CCDC34: variants seen among roughly 807,000 people sequenced by gnomAD.
The protein encoded by CCDC34 is coiled-coil domain containing 34, also known as coiled-coil domain-containing protein 34.
In CCDC34, 40 loss-of-function variants were observed where a neutral mutation model predicts 44.1. That is an observed-to-expected ratio of 0.91 (90% CI 0.70 to 1.18). CCDC34 has a LOEUF of 1.18. Ranked by LOEUF, CCDC34 falls within the 50% of genes most tolerant of loss-of-function variation. CCDC34 has a pLI of 0.00. For missense variants in CCDC34, 466 were observed against 452.3 expected (o/e 1.03, Z -0.28); for synonymous variants, 159 against 158.2 (o/e 1.01, Z -0.04).
At chr11:27,359,935 A>G (rs1451582658) in intron 1 of CCDC34, among the ~76,000 whole-genome samples, 1 of 152,182 alleles carries the variant, frequency 6.6e-6, no homozygotes, top group Non-Finnish European at 1.5e-5. Context: ...TTCCTTAAAG[A>G]AAATATATCT....
intron 3 of CCDC34, among the ~76,000 whole-genome samples, chr11:27,346,124 A>G (rs1350308587): frequency 1.3e-5 from 2 of 152,174 alleles, no homozygotes; most frequent in African/African-American, 4.8e-5. Flanking sequence ...TTTAAAAAAT[A>G]CCATTAATCA....
At chr11:27,357,158 T>G (rs1862590229) in intron 2 of CCDC34, among the ~76,000 whole-genome samples, 1 of 152,172 alleles carries the variant, frequency 6.6e-6, no homozygotes. Context: ...AATGATTATC[T>G]TCAGACAGTG....
chr11:27,348,332 TTG>T (rs1454875020), intron 3 of CCDC34, among the ~76,000 whole-genome samples: 2 of 152,224 alleles, frequency 1.3e-5, no homozygotes, highest in African/African-American at 2.4e-5. Flanking sequence ...AGAAAATCAG[TTG>T]TGTTTTGAGA....
chr11:27,347,742 T>G (rs1862452859), intron 3 of CCDC34, among the ~76,000 whole-genome samples: 5 of 150,120 alleles, frequency 3.3e-5, no homozygotes, highest in Non-Finnish European at 3.0e-5. Flanking sequence ...GGGCAGGGAG[T>G]GGGGGTGAAT....
chr11:27,350,464 G>A (rs981114554), intron 2 of CCDC34, 25 bp from the exon 3 acceptor site: 27 of 1,561,358 alleles, frequency 1.7e-5, no homozygotes, highest in Non-Finnish European at 2.4e-5. Flanking sequence ...TAGACAAAAG[G>A]CAACATTTAA....
At chr11:27,340,267 T>A (rs1029415311) in intron 5 of CCDC34, among the ~76,000 whole-genome samples, 1 of 152,210 alleles carries the variant, frequency 6.6e-6, no homozygotes, top group South Asian at 2.1e-4. Flanking sequence ...CCAATCGGTT[T>A]TGTGTCTGGT....
chr11:27,341,669 C>A, intron 3 of CCDC34, 119 bp from the exon 4 acceptor site: 1 of 530,540 alleles, frequency 1.9e-6, no homozygotes, highest in Non-Finnish European at 3.2e-6. Flanking sequence ...GACATGATAT[C>A]ATGGCAGTTG....
Position 27,363,129 on chromosome 11 carries a change from G to C in CCDC34, c.66C>G (p.Cys22Trp), listed in dbSNP as rs371328601. 1.9e-6 allele frequency: 3 copies of C among 1,552,098 alleles called. No homozygotes were observed. Among genetic ancestry groups the C allele is most frequent in the Non-Finnish European group, 2.6e-6 (3 of 1,150,872 alleles). ...CCGAGGAGGGCCGAGACCTGGGTCTGCAGTCAGCAGAGAAACCGGCGTAGG... is the reference window on the plus strand; with the variant it reads ...CCGAGGAGGGCCGAGACCTGGGTCTCCAGTCAGCAGAGAAACCGGCGTAGG... ...PSSYAGFSAD[C>W]RPRSRPSSDS... Residue 22 changes from cysteine to tryptophan, a missense_variant, in exon 1 of 6, where the codon TGC becomes TGG. Physicochemically the swap from Cys to Trp is radical, Grantham distance 215. Coordinates refer to ENST00000328697, the MANE Select transcript of CCDC34 (RefSeq NM_030771.2).
intron 3 of CCDC34, among the ~76,000 whole-genome samples, chr11:27,348,124 G>C (rs1862457943): frequency 6.6e-6 from 1 of 152,038 alleles, no homozygotes; most frequent in Non-Finnish European, 1.5e-5. Flanking sequence ...TGCACCGAGA[G>C]AACCTTTGTT....
chr11:27,342,280 T>C (rs1862370326), intron 3 of CCDC34, among the ~76,000 whole-genome samples: 1 of 140,418 alleles, frequency 7.1e-6, no homozygotes, highest in African/African-American at 2.7e-5. Context: ...ACTCTCATTC[T>C]AAAACAGGGG....
intron 3 of CCDC34, among the ~76,000 whole-genome samples, chr11:27,346,383 A>G (rs1466302606): frequency 7.1e-6 from 1 of 140,272 alleles, no homozygotes; most frequent in African/African-American, 2.6e-5. Context: ...CAACAGAGTG[A>G]GACTCTGACT....
intron 2 of CCDC34, among the ~76,000 whole-genome samples, chr11:27,352,510 T>C (rs1444500631): frequency 3.3e-5 from 5 of 152,274 alleles, no homozygotes; most frequent in South Asian, 4.1e-4. Context: ...TATATGTGCA[T>C]GTGTGTATAT....
chr11:27,350,280 A>C, intron 3 of CCDC34, 52 bp downstream of exon 3: 1 of 1,612,346 alleles, frequency 6.2e-7, no homozygotes, highest in Non-Finnish European at 8.5e-7. Flanking sequence ...TAATAGGAAG[A>C]AATATTTTGC....
Position 27,340,514 on chromosome 11 carries a change from T to C in CCDC34, c.907+182A>G, listed in dbSNP as rs998090057. Among the ~76,000 whole-genome samples the C allele has an allele frequency of 3.0e-4, 46 of 152,246 alleles. 1 individual carries two copies. The stretch of plus-strand genomic sequence containing the variant: ...CTACTGCTTTTAAGAAATACAAATG[T>C]GGAGAATGACAGTACATTTGTAGCA... On this transcript the variant is annotated intron_variant, in intron 5 of 5. Transcript: ENST00000328697.
At chr11:27,348,825 T>C in intron 3 of CCDC34, 1 of 825,504 alleles carries the variant, frequency 1.2e-6, no homozygotes, top group Non-Finnish European at 1.5e-6. Context: ...AAAAAAAGAA[T>C]AATCAATTAT....
intron 3 of CCDC34, among the ~76,000 whole-genome samples, chr11:27,343,974 T>C (rs1018655255): frequency 6.6e-6 from 1 of 152,132 alleles, no homozygotes; most frequent in Admixed American, 6.5e-5. Flanking sequence ...TTCCTTAAAA[T>C]ATGCCACTTC....
intron 1 of CCDC34, among the ~76,000 whole-genome samples, chr11:27,359,400 A>G (rs1862626510): frequency 6.6e-6 from 1 of 152,216 alleles, no homozygotes; most frequent in Non-Finnish European, 1.5e-5. Flanking sequence ...ACCTCCGCAT[A>G]AAGTCAGATT....
intron 1 of CCDC34, among the ~76,000 whole-genome samples, chr11:27,361,893 C>T (rs1363330236): frequency 6.6e-6 from 1 of 152,178 alleles, no homozygotes; most frequent in Non-Finnish European, 1.5e-5. Context: ...ATGAGTCTAT[C>T]CCAGAATAGA....
chr11:27,352,756 A>G lies in CCDC34; in HGVS notation c.499-2317T>C, dbSNP rs138553796. On this transcript the variant is annotated intron_variant, in intron 2 of 5. Coordinates refer to ENST00000328697, the MANE Select transcript of CCDC34 (RefSeq NM_030771.2). ...CCTGTACTCCTATTTGATGGCTAAC[A>G]AATTTTAGTTAATGTTGATTGAAGG... Among the ~76,000 whole-genome samples, 248 of 152,342 alleles carry G rather than the reference A, an allele frequency of 1.6e-3. 1 individual carries two copies. Among genetic ancestry groups the G allele is most frequent in the Non-Finnish European group, 2.7e-3 (187 of 68,024 alleles).
Sources: allele counts gnomAD v4.1 joint callset (sites outside exome capture counted in the v4.1 genomes callset), GRCh38; gene constraint gnomAD v4.1.1; transcripts MANE v1.5; gene names NCBI Gene and HGNC (gene_info 2026-07-23, HGNC 2026-07-21).